DAB1: variants seen among roughly 807,000 people sequenced by gnomAD.
DAB1 encodes DAB adaptor protein 1.
Under a neutral mutation model 64.6 loss-of-function variants are expected in DAB1, and 15 were observed. The observed-to-expected ratio is 0.23, with a 90% confidence interval of 0.16 to 0.36. The LOEUF (loss-of-function observed/expected upper bound fraction) is 0.36, where lower values mean the gene tolerates loss of function less well. Ranked by LOEUF, DAB1 falls within the 10% of genes least tolerant of loss-of-function variation. The pLI is 1.00. For synonymous variants in DAB1, 235 were observed against 251.9 expected (o/e 0.93, Z 0.64); for missense variants, 596 against 706.7 (o/e 0.84, Z 1.78).
chr1:57,353,309 C>T (rs904706701), intron 1 of DAB1, among the ~76,000 whole-genome samples: 6 of 152,050 alleles, frequency 3.9e-5, no homozygotes, highest in African/African-American at 9.7e-5. Context: ...CCTGATTACA[C>T]GGTTGAGATA....
At chr1:57,400,509 T>G (rs1683157869) in intron 1 of DAB1, among the ~76,000 whole-genome samples, 1 of 151,788 alleles carries the variant, frequency 6.6e-6, no homozygotes, top group Non-Finnish European at 1.5e-5. Flanking sequence ...ACCATGACAC[T>G]ATATGAGGCA....
At chr1:57,818,377 T>A (rs1651965654) in intron 6 of DAB1, among the ~76,000 whole-genome samples, 1 of 152,098 alleles carries the variant, frequency 6.6e-6, no homozygotes, top group Admixed American at 6.6e-5. Context: ...TACCTCTAAG[T>A]CCTCCCTAGA....
chr1:57,315,293 T>C (rs1480756948), intron 1 of DAB1, among the ~76,000 whole-genome samples: 5 of 152,220 alleles, frequency 3.3e-5, no homozygotes, highest in Admixed American at 3.3e-4. Flanking sequence ...GTAAATTCTA[T>C]TAATAATGTG....
chr1:58,016,661 C>A (rs1646744348), intron 5 of DAB1, among the ~76,000 whole-genome samples: 1 of 152,104 alleles, frequency 6.6e-6, no homozygotes, highest in South Asian at 2.1e-4. Flanking sequence ...AACTAAAAAG[C>A]CCTGAACGAC....
chr1:58,256,264 T>C (rs921572638), intron 4 of DAB1, among the ~76,000 whole-genome samples: 2 of 152,232 alleles, frequency 1.3e-5, no homozygotes, highest in Non-Finnish European at 2.9e-5. Context: ...GCAGTGAAGA[T>C]GGATCCTTCA....
chr1:57,662,148 G>C (rs1364947594), intron 6 of DAB1, among the ~76,000 whole-genome samples: 3 of 152,056 alleles, frequency 2.0e-5, no homozygotes, highest in Non-Finnish European at 4.4e-5. Flanking sequence ...AGCTCTATTA[G>C]CTACAAAAGC....
At chr1:58,050,241 T>C (rs957228790) in intron 5 of DAB1, among the ~76,000 whole-genome samples, 38 of 152,172 alleles carry the variant, frequency 2.5e-4, no homozygotes, top group African/African-American at 8.7e-4. Flanking sequence ...CAGGCTCTCG[T>C]GAGCCTATAA....
chr1:58,312,449 C>G (rs1049997328), intron 4 of DAB1, among the ~76,000 whole-genome samples: 2 of 152,154 alleles, frequency 1.3e-5, no homozygotes, highest in African/African-American at 4.8e-5. Context: ...GTTCACAAGA[C>G]AGAATAGAAA....
At position 58,152,895 on chromosome 1, in the gene DAB1, G is replaced by A. The variant is rs141103313; in HGVS notation, n.310-2307C>T. On this transcript the variant is annotated intron_variant and non_coding_transcript_variant, in intron 4 of 20. Coordinates refer to the DAB1 transcript ENST00000485760. ...TGTACAGGTGACGAAACAAGTGGCC[G>A]GTCCAAATCACACAGTTATTAAATG... is the stretch of plus-strand genomic sequence containing the variant. 4.9e-4 allele frequency among the ~76,000 whole-genome samples: 74 copies of A among 152,200 alleles called. 1 individual carries two copies. Among genetic ancestry groups the A allele is most frequent in the African/African-American group, 1.5e-3 (63 of 41,510 alleles).
At position 57,167,438 on chromosome 1, in the gene DAB1, G is replaced by A. The variant is rs532251000; in HGVS notation, c.68-22009C>T. 5.9e-5 allele frequency among the ~76,000 whole-genome samples: 9 copies of A among 152,048 alleles called. No homozygotes were observed. In the South Asian group the frequency reaches 1.9e-3, roughly 32 times the overall value. On this transcript the variant is annotated intron_variant, in intron 2 of 14. Coordinates refer to ENST00000371236, the MANE Select transcript of DAB1 (RefSeq NM_001365792.1). ...ACTATCTTGGTTCTCCCTCTTTCTTGACTCATCCTTTGCACACTGTTTCTT... is the reference window on the plus strand; with the variant it reads ...ACTATCTTGGTTCTCCCTCTTTCTTAACTCATCCTTTGCACACTGTTTCTT...
intron 6 of DAB1, among the ~76,000 whole-genome samples, chr1:57,774,090 A>G (rs2101833905): frequency 6.6e-6 from 1 of 152,000 alleles, no homozygotes; most frequent in African/African-American, 2.4e-5. Flanking sequence ...TAATCTGGGG[A>G]AAATGGACAT....
Position 58,235,924 on chromosome 1 carries a change from G to A in DAB1, n.310-85336C>T, listed in dbSNP as rs140049459. ...GGCCATAAGATCAGGTCAGGCCTGGGGCCAAAATAAGGGAAAGCTGCTACA... is the reference window on the plus strand; with the variant it reads ...GGCCATAAGATCAGGTCAGGCCTGGAGCCAAAATAAGGGAAAGCTGCTACA... On this transcript the variant is annotated intron_variant and non_coding_transcript_variant, in intron 4 of 20. Transcript: ENST00000485760. Among the ~76,000 whole-genome samples, 153 of 152,240 alleles carry A rather than the reference G, an allele frequency of 1.0e-3. 2 individuals are homozygous for A. The East Asian group carries it at 0.019, about 19-fold the overall frequency.
intron 6 of DAB1, among the ~76,000 whole-genome samples, chr1:57,799,275 G>A (rs1569722032): frequency 6.6e-6 from 1 of 152,198 alleles, no homozygotes; most frequent in East Asian, 1.9e-4. Flanking sequence ...CCACAGCTGT[G>A]AATGGGCTCC....
At chr1:57,638,643 G>A (rs1230251879) in intron 7 of DAB1, among the ~76,000 whole-genome samples, 2 of 152,210 alleles carry the variant, frequency 1.3e-5, no homozygotes, top group African/African-American at 4.8e-5. Flanking sequence ...CACAGTTCAT[G>A]TTCCTGAGGA....
At chr1:57,414,799 A>G (rs1684367167) in intron 1 of DAB1, among the ~76,000 whole-genome samples, 1 of 152,200 alleles carries the variant, frequency 6.6e-6, no homozygotes, top group African/African-American at 2.4e-5. Context: ...ACTCAATCTA[A>G]AAAGAGTGCA....
At chr1:57,088,823 T>C (rs1360378704) in intron 4 of DAB1, among the ~76,000 whole-genome samples, 1 of 152,238 alleles carries the variant, frequency 6.6e-6, no homozygotes, top group Admixed American at 6.5e-5. Flanking sequence ...TGTGTTTATC[T>C]TTGACACCAC....
intron 6 of DAB1, among the ~76,000 whole-genome samples, chr1:57,793,336 G>T (rs1199973148): frequency 1.3e-5 from 2 of 152,200 alleles, no homozygotes; most frequent in African/African-American, 2.4e-5. Context: ...GATGGCTGGG[G>T]ATTAAAGAGA....
At chr1:58,506,811 C>G (rs1257335895) in intron 2 of DAB1, among the ~76,000 whole-genome samples, 2 of 151,968 alleles carry the variant, frequency 1.3e-5, no homozygotes, top group Non-Finnish European at 2.9e-5. Context: ...ATCAATTTAC[C>G]CAATTTTCTC....
At chr1:57,518,626 A>G (rs1208131869) in intron 7 of DAB1, among the ~76,000 whole-genome samples, 1 of 152,028 alleles carries the variant, frequency 6.6e-6, no homozygotes, top group Non-Finnish European at 1.5e-5. Context: ...TCTGCCCCAC[A>G]TCTGGGAAAG....
Sources: gnomAD v4.1 joint callset for allele counts (sites outside exome capture counted in the v4.1 genomes callset) on GRCh38, gnomAD v4.1.1 for gene constraint, MANE v1.5 for transcripts, NCBI Gene and HGNC (gene_info 2026-07-23, HGNC 2026-07-21) for gene names.